Variants in KLHDC10 observed in about 807,000 individuals in gnomAD.
KLHDC10 encodes the protein kelch domain containing 10, also known as kelch domain-containing protein 10.
KLHDC10 carries 24 observed loss-of-function variants against 56.1 expected under a neutral mutation model. The observed-to-expected ratio is 0.43, with a 90% confidence interval of 0.31 to 0.60. The LOEUF is 0.60. Among genes scored for constraint, KLHDC10 ranks in the 20% least tolerant of loss-of-function variants. KLHDC10 has a pLI of 0.11. For synonymous variants in KLHDC10, 188 were observed against 207.1 expected (o/e 0.91, Z 0.79); for missense variants, 349 against 567.0 (o/e 0.62, Z 3.91).
rs1311157233 is a variant in KLHDC10, at chr7:130,131,926, A to C, written c.*1180A>C. The C allele has an allele frequency of 6.6e-6, 1 of 152,148 alleles. No homozygotes were observed. 9.4% of individuals were successfully genotyped at this position (152,148 alleles called of 1,614,324 possible). ...GTGAATAATTGTCTAGTAATTGGAT[A>C]CAAGGTCTTGGGGGTAAAGCCACAG... On this transcript the variant is annotated 3_prime_UTR_variant, in exon 10 of 10. Coordinates refer to ENST00000335420, the MANE Select transcript of KLHDC10 (RefSeq NM_014997.4).
chr7:130,096,551 A>G (rs1795851748), intron 1 of KLHDC10, among the ~76,000 whole-genome samples: 1 of 152,126 alleles, frequency 6.6e-6, no homozygotes, highest in African/African-American at 2.4e-5. Context: ...TTAGTTTCAG[A>G]GCTCCATTTT....
intron 3 of KLHDC10, among the ~76,000 whole-genome samples, chr7:130,117,938 G>A (rs1486692501): frequency 1.3e-5 from 2 of 151,742 alleles, no homozygotes; most frequent in African/African-American, 4.8e-5. Flanking sequence ...GCTGAGGCGG[G>A]CGGATCATGA....
rs1796422580 is a variant in KLHDC10, at chr7:130,133,129, G to A, written c.*2383G>A. The A allele has an allele frequency of 6.6e-6, 1 of 152,218 alleles. No homozygotes were observed. Among genetic ancestry groups the A allele is most frequent in the Admixed American group, 6.5e-5 (1 of 15,278 alleles). 9.4% of individuals were successfully genotyped at this position (152,218 alleles called of 1,614,324 possible). The stretch of plus-strand genomic sequence containing the variant: ...ATATAACACTAGTAAAAATGACATG[G>A]TATGACCAGCACTGAGTGCTATAGA... On this transcript the variant is annotated 3_prime_UTR_variant, in exon 10 of 10. Transcript: ENST00000335420.
At chr7:130,104,699 A>G (rs1483500917) in intron 2 of KLHDC10, among the ~76,000 whole-genome samples, 1 of 152,228 alleles carries the variant, frequency 6.6e-6, no homozygotes, top group Non-Finnish European at 1.5e-5. Flanking sequence ...ACTCATGGCA[A>G]GAGGCAGAGT....
At chr7:130,112,230 T>C (rs1165756608) in intron 2 of KLHDC10, among the ~76,000 whole-genome samples, 3 of 152,234 alleles carry the variant, frequency 2.0e-5, no homozygotes, top group Admixed American at 1.3e-4. Context: ...GACAGCTAGC[T>C]TCTTTCTGCC....
At chr7:130,117,048 TAAAG>T (rs1796177832) in intron 3 of KLHDC10, among the ~76,000 whole-genome samples, 1 of 152,176 alleles carries the variant, frequency 6.6e-6, no homozygotes, top group Non-Finnish European at 1.5e-5. Flanking sequence ...ACCACCAAAA[TAAAG>T]CAAGTCACAC....
chr7:130,112,312 G>A (rs1312821500), intron 2 of KLHDC10, among the ~76,000 whole-genome samples: 1 of 152,176 alleles, frequency 6.6e-6, no homozygotes, highest in Non-Finnish European at 1.5e-5. Flanking sequence ...TAAAGAGCAA[G>A]TCCTTGTGAC....
At chr7:130,097,079 C>A in intron 2 of KLHDC10, 72 bp downstream of exon 2, 1 of 1,045,146 alleles carries the variant, frequency 9.6e-7, no homozygotes, top group South Asian at 1.8e-5. Context: ...TTTCTAAGCT[C>A]AAAACTCTGG....
At chr7:130,082,412 A>G (rs1584619402) in intron 1 of KLHDC10, among the ~76,000 whole-genome samples, 2 of 152,318 alleles carry the variant, frequency 1.3e-5, no homozygotes, top group South Asian at 4.1e-4. Flanking sequence ...TTGATATTTT[A>G]CTTTCCTTTT....
chr7:130,099,292 C>G (rs1044563798), intron 2 of KLHDC10, among the ~76,000 whole-genome samples: 1 of 151,830 alleles, frequency 6.6e-6, no homozygotes, highest in African/African-American at 2.4e-5. Context: ...TTCGTTTGTT[C>G]GTTCGTTCAT....
intron 1 of KLHDC10, among the ~76,000 whole-genome samples, chr7:130,085,157 AC>A (rs1338405072): frequency 1.3e-5 from 2 of 151,252 alleles, no homozygotes; most frequent in African/African-American, 2.4e-5. Context: ...ACATGGTGAA[AC>A]CCCGTCTCTA....
chr7:130,071,766 G>A (rs1795414483), intron 1 of KLHDC10, among the ~76,000 whole-genome samples: 1 of 152,160 alleles, frequency 6.6e-6, no homozygotes, highest in African/African-American at 2.4e-5. Flanking sequence ...GAATAATATT[G>A]ATTATATTAG....
chr7:130,111,753 G>A (rs1187130534), intron 2 of KLHDC10, among the ~76,000 whole-genome samples: 1 of 152,122 alleles, frequency 6.6e-6, no homozygotes, highest in Non-Finnish European at 1.5e-5. Flanking sequence ...ACACAATGGT[G>A]AGAAGACAAC....
intron 1 of KLHDC10, among the ~76,000 whole-genome samples, chr7:130,090,324 C>T (rs781445021): frequency 6.2e-4 from 94 of 151,890 alleles, no homozygotes; most frequent in Non-Finnish European, 9.1e-4. Context: ...TGCAGTGGCT[C>T]ACACCTGTGA....
intron 1 of KLHDC10, among the ~76,000 whole-genome samples, chr7:130,083,843 C>T (rs1307587003): frequency 6.6e-6 from 1 of 152,164 alleles, no homozygotes; most frequent in Admixed American, 6.6e-5. Flanking sequence ...TTTTAAACAT[C>T]CTTTTCCCTT....
In KLHDC10 at chr7:130,130,696, C is replaced by T; in HGVS notation, c.1279C>T (p.Gln427Ter). 1 of 1,614,166 alleles carries T rather than the reference C, an allele frequency of 6.2e-7. No homozygotes were observed. The highest frequency in any genetic ancestry group is 8.5e-7 in the Non-Finnish European group (1 of 1,180,020). The part of the protein sequence containing the change: ...FPNLANLSRT[Q>*]LLHLGLTQGL... ...TAACCTTGCAAACCTCTCCCGAACA[C>T]AACTTCTGCACCTTGGACTCACACA... Residue 427 changes from glutamine (Q) to a stop codon, truncating the protein, a stop_gained, in exon 10 of 10, where the codon CAA becomes TAA. Transcript: ENST00000335420. LOFTEE classifies it high-confidence loss of function. This position sits in a 1 kb window ranked among gnomAD's most constrained non-coding sequence, Gnocchi z 4.2.
chr7:130,072,377 A>G (rs1795428384), intron 1 of KLHDC10, among the ~76,000 whole-genome samples: 1 of 152,202 alleles, frequency 6.6e-6, no homozygotes, highest in Admixed American at 6.5e-5. Flanking sequence ...GCTTCAGTGT[A>G]GAGCTATTTC....
intron 2 of KLHDC10, among the ~76,000 whole-genome samples, chr7:130,097,878 A>G (rs1043443693): frequency 3.3e-5 from 5 of 152,214 alleles, no homozygotes; most frequent in African/African-American, 1.2e-4. Context: ...CCATACTGAA[A>G]AAAGAAAATC....
chr7:130,106,362 G>A (rs1251547517), intron 2 of KLHDC10, among the ~76,000 whole-genome samples: 1 of 152,018 alleles, frequency 6.6e-6, no homozygotes, highest in Non-Finnish European at 1.5e-5. Flanking sequence ...AGTGTTAGGG[G>A]TAATAAGATA....
Sources: gnomAD v4.1 joint callset for allele counts (sites outside exome capture counted in the v4.1 genomes callset) on GRCh38, gnomAD v4.1.1 for gene constraint, Gnocchi (gnomAD v3.1) non-coding constraint, MANE v1.5 for transcripts, NCBI Gene and HGNC (gene_info 2026-07-23, HGNC 2026-07-21) for gene names.